WHRN: variants seen among roughly 807,000 people sequenced by gnomAD.
WHRN encodes the protein whirlin, also known as CASK-interacting protein CIP98.
In WHRN, 41 loss-of-function variants were observed where a neutral mutation model predicts 68.3. That is an observed-to-expected ratio of 0.60 (90% CI 0.47 to 0.78). WHRN has a LOEUF of 0.78. WHRN is among the 30% of genes least tolerant of loss of function. The pLI, the probability that WHRN is intolerant of heterozygous loss-of-function variation, is 0.00. For missense variants in WHRN, 1,243 were observed against 1,244.7 expected (o/e 1.00, Z 0.02); for synonymous variants, 560 against 561.3 (o/e 1.00, Z 0.03).
chr9:114,466,915 G>A (rs1052242405), intron 2 of WHRN, among the ~76,000 whole-genome samples: 3 of 150,278 alleles, frequency 2.0e-5, no homozygotes, highest in African/African-American at 7.4e-5. Flanking sequence ...GCCTCCCCAG[G>A]GGTCTCCTAT....
chr9:114,424,457 C>T lies in WHRN; in HGVS notation c.1293G>A (p.Arg431=). 1 of 1,613,808 alleles carries T rather than the reference C, an allele frequency of 6.2e-7. No homozygotes were observed. The highest frequency in any genetic ancestry group is 8.5e-7 in the Non-Finnish European group (1 of 1,179,988). Reference sequence around the variant, plus strand: ...CGTGTTCCTGCTCGTTCAGCAGGTGCCGAGCCTGCTCCTCCAGCAGCACTC... The same window carrying T: ...CGTGTTCCTGCTCGTTCAGCAGGTGTCGAGCCTGCTCCTCCAGCAGCACTC... The part of the protein sequence containing the change: ...QTRVLLEEQA[R]HLLNEQEHAT... The change falls in exon 6 of 12, where the codon CGG becomes CGA. Residue 431 remains arginine (R), a synonymous_variant. Coordinates refer to ENST00000362057, the MANE Select transcript of WHRN (RefSeq NM_015404.4).
chr9:114,471,489 T>C (rs956346142), intron 2 of WHRN, among the ~76,000 whole-genome samples: 2 of 152,202 alleles, frequency 1.3e-5, no homozygotes, highest in African/African-American at 4.8e-5. Flanking sequence ...TGAGTTCAAG[T>C]CTTGGTTCTG....
At chr9:114,404,188 C>G in intron 9 of WHRN, 111 bp from the exon 10 acceptor site, 1 of 1,172,490 alleles carries the variant, frequency 8.5e-7, no homozygotes, top group Non-Finnish European at 1.2e-6. Context: ...ATTCCCCAGG[C>G]AAAGATGGGG....
intron 7 of WHRN, among the ~76,000 whole-genome samples, chr9:114,419,535 A>G (rs1366681896): frequency 2.6e-5 from 4 of 152,202 alleles, no homozygotes; most frequent in African/African-American, 9.7e-5. Context: ...AGCTGTGACC[A>G]AAGGAAGCCC....
chr9:114,456,810 CAG>C (rs1384707212), intron 3 of WHRN, among the ~76,000 whole-genome samples: 7 of 126,922 alleles, frequency 5.5e-5, no homozygotes, highest in Non-Finnish European at 1.1e-4. Flanking sequence ...GCCTGGGTGA[CAG>C]AGCAAGACTA....
At chr9:114,444,401 T>C (rs1164521843) in intron 3 of WHRN, among the ~76,000 whole-genome samples, 2 of 152,194 alleles carry the variant, frequency 1.3e-5, no homozygotes, top group Non-Finnish European at 2.9e-5. Context: ...ACAGTAATTA[T>C]TATACTGCCA....
intron 8 of WHRN, 25 bp from the exon 9 acceptor site, chr9:114,406,917 G>A: frequency 3.2e-6 from 5 of 1,554,330 alleles, no homozygotes; most frequent in Non-Finnish European, 3.5e-6. Context: ...AACAGGCGGA[G>A]AAGGAGTCAG....
intron 9 of WHRN, among the ~76,000 whole-genome samples, chr9:114,404,870 T>G (rs1267006869): frequency 6.6e-6 from 1 of 151,948 alleles, no homozygotes; most frequent in Non-Finnish European, 1.5e-5. Flanking sequence ...CTCCAGGGTG[T>G]GGGTTCTTAA....
intron 3 of WHRN, among the ~76,000 whole-genome samples, chr9:114,452,713 T>C (rs1454408709): frequency 6.6e-6 from 1 of 152,172 alleles, no homozygotes. Context: ...ACAGTGAGGT[T>C]TGCTCATCAC....
At position 114,500,262 on chromosome 9, in the gene WHRN, G is replaced by A. The variant is rs183426132; in HGVS notation, c.618+3922C>T. ...AAAACAGGGCCAGAGGAAGGTCTGT[G>A]CATGCCATGGTGCCACGGTTTCCAA... On this transcript the variant is annotated intron_variant, in intron 1 of 11. Transcript: ENST00000362057. 1.3e-3 allele frequency among the ~76,000 whole-genome samples: 201 copies of A among 152,324 alleles called. 1 individual carries two copies. Among genetic ancestry groups the A allele is most frequent in the East Asian group, 9.6e-4 (5 of 5,182 alleles).
At chr9:114,407,493 A>G (rs964312933) in intron 8 of WHRN, among the ~76,000 whole-genome samples, 4 of 152,184 alleles carry the variant, frequency 2.6e-5, no homozygotes, top group African/African-American at 9.7e-5. Flanking sequence ...AGGGGCAGCT[A>G]TGGACACTGT....
chr9:114,436,161 T>TA (rs1359150232), intron 3 of WHRN, among the ~76,000 whole-genome samples: 1 of 152,188 alleles, frequency 6.6e-6, no homozygotes, highest in Non-Finnish European at 1.5e-5. Context: ...AACTATGTGA[T>TA]ATTCTGAAAC....
intron 1 of WHRN, 34 bp from the exon 2 acceptor site, chr9:114,478,805 GGAGGT>G (rs1564205537): frequency 7.6e-6 from 12 of 1,585,796 alleles, no homozygotes; most frequent in Non-Finnish European, 1.0e-5. Flanking sequence ...TTAGAGGAAG[GGAGGT>G]GCCGGGGGTG....
At chr9:114,489,867 T>C (rs1485508071) in intron 1 of WHRN, among the ~76,000 whole-genome samples, 1 of 152,160 alleles carries the variant, frequency 6.6e-6, no homozygotes, top group African/African-American at 2.4e-5. Context: ...CTCCACTCTA[T>C]AGAAAGGCTC....
intron 7 of WHRN, among the ~76,000 whole-genome samples, chr9:114,416,237 G>A (rs892146019): frequency 1.3e-5 from 2 of 152,190 alleles, no homozygotes; most frequent in African/African-American, 2.4e-5. Flanking sequence ...AAAGCCTGAG[G>A]TCAAGTCCAG....
At position 114,445,425 on chromosome 9, in the gene WHRN, T is replaced by C. The variant is rs114575156; in HGVS notation, c.964-19012A>G. 3.6e-3 allele frequency among the ~76,000 whole-genome samples: 552 copies of C among 152,354 alleles called. 1 individual carries two copies. The highest frequency in any genetic ancestry group is 0.013 in the African/African-American group (529 of 41,572). On this transcript the variant is annotated intron_variant, in intron 3 of 11. Transcript: ENST00000362057. ...GGGAAGAAATAGGCCAAACTGTTCATAGGAGTTGCCTCCAAGTGATCAATT... is the reference window on the plus strand; with the variant it reads ...GGGAAGAAATAGGCCAAACTGTTCACAGGAGTTGCCTCCAAGTGATCAATT...
At chr9:114,495,422 G>C (rs1843370363) in intron 1 of WHRN, among the ~76,000 whole-genome samples, 1 of 152,206 alleles carries the variant, frequency 6.6e-6, no homozygotes, top group African/African-American at 2.4e-5. Flanking sequence ...GTGCTGGAAA[G>C]AAGTAAAGCC....
At chr9:114,475,258 GC>G (rs1249007888) in intron 2 of WHRN, among the ~76,000 whole-genome samples, 4 of 152,060 alleles carry the variant, frequency 2.6e-5, no homozygotes, top group African/African-American at 9.7e-5. Context: ...CCACTTAGCC[GC>G]CCCCCATGAC....
intron 2 of WHRN, among the ~76,000 whole-genome samples, chr9:114,476,761 C>T (rs1295396773): frequency 1.3e-5 from 2 of 152,034 alleles, no homozygotes; most frequent in Admixed American, 1.3e-4. Context: ...GTTGCCACAG[C>T]GCTGAGCCTC....
Sources: gnomAD v4.1 joint callset for allele counts (sites outside exome capture counted in the v4.1 genomes callset) on GRCh38, gnomAD v4.1.1 for gene constraint, MANE v1.5 for transcripts, NCBI Gene and HGNC (gene_info 2026-07-23, HGNC 2026-07-21) for gene names.